The following NR2C2 variants were observed in gnomAD, a reference collection of about 807,000 sequenced individuals.
The protein encoded by NR2C2 is Nuclear hormone receptor TR4.
A neutral mutation model predicts 62.9 loss-of-function variants in NR2C2; 6 were observed. That is an observed-to-expected ratio of 0.10 (90% CI 0.05 to 0.19). NR2C2 has a LOEUF of 0.19. NR2C2 is among the 10% of genes least tolerant of loss of function. NR2C2 has a pLI of 1.00. For missense variants in NR2C2, 479 were observed against 762.7 expected (o/e 0.63, Z 4.38); for synonymous variants, 272 against 273.8 (o/e 0.99, Z 0.07).
At chr3:14,948,241 T>TCCC in intron 1 of NR2C2, 1 of 152,636 alleles carries the variant, frequency 6.6e-6, no homozygotes, top group Middle Eastern at 3.4e-3. Flanking sequence ...CTGGGCGGGC[T>TCCC]CCCTTCCTCC....
chr3:14,968,842 G>A (rs1400809485), intron 1 of NR2C2, among the ~76,000 whole-genome samples: 1 of 143,782 alleles, frequency 7.0e-6, no homozygotes, highest in African/African-American at 2.6e-5. Context: ...GTAGGGACAT[G>A]GATGAAATTG....
At chr3:14,970,012 C>T (rs1035045326) in intron 1 of NR2C2, among the ~76,000 whole-genome samples, 5 of 152,056 alleles carry the variant, frequency 3.3e-5, no homozygotes, top group African/African-American at 1.2e-4. Context: ...TTAATCCTGC[C>T]CTCTAACTGG....
chr3:15,004,597 C>T lies in NR2C2; in HGVS notation c.72+611C>T, dbSNP rs748978667. On this transcript the variant is annotated intron_variant, in intron 2 of 13. Coordinates refer to ENST00000425241, the MANE Select transcript of NR2C2 (RefSeq NM_001291694.2). ...TCTGGCCCATTGAGTGTTTTCACAT[C>T]TTTGAACAAAGAGAAGGTAGGTGTA... 5 of 1,612,648 alleles carry T rather than the reference C, an allele frequency of 3.1e-6. No individual in the cohort carries two copies. The South Asian group carries it at 5.5e-5, about 18-fold the overall frequency.
chr3:14,949,213 G>A (rs2039264629), intron 1 of NR2C2, among the ~76,000 whole-genome samples: 1 of 152,180 alleles, frequency 6.6e-6, no homozygotes, highest in Non-Finnish European at 1.5e-5. Flanking sequence ...ATTCCAGAGA[G>A]TCATAAGTTC....
intron 1 of NR2C2, among the ~76,000 whole-genome samples, chr3:14,988,103 A>G (rs1472315274): frequency 1.3e-5 from 2 of 152,266 alleles, no homozygotes; most frequent in African/African-American, 2.4e-5. Flanking sequence ...GTATATATAG[A>G]CAGACAGGTA....
intron 1 of NR2C2, among the ~76,000 whole-genome samples, chr3:14,992,772 C>G (rs1349969067): frequency 2.6e-5 from 4 of 152,206 alleles, no homozygotes; most frequent in African/African-American, 9.7e-5. Context: ...ATTTTACCCT[C>G]TAAGTATGAG....
chr3:14,983,462 TACACACACACAC>T (rs34788861), intron 1 of NR2C2, among the ~76,000 whole-genome samples: 3 of 146,778 alleles, frequency 2.0e-5, no homozygotes, highest in South Asian at 2.2e-4. Flanking sequence ...ATACTCTTTA[TACACACACACAC>T]ACACACACAC....
At chr3:14,964,298 C>T (rs968077373) in intron 1 of NR2C2, among the ~76,000 whole-genome samples, 6 of 152,094 alleles carry the variant, frequency 3.9e-5, no homozygotes, top group Non-Finnish European at 7.4e-5. Flanking sequence ...AAATTATTTA[C>T]CCAATATTTG....
chr3:15,044,523 A>G lies in NR2C2; in HGVS notation c.*1515A>G, dbSNP rs953775279. The G allele has an allele frequency of 6.6e-6, 1 of 152,246 alleles. No homozygotes were observed. Among genetic ancestry groups the G allele is most frequent in the Non-Finnish European group, 1.5e-5 (1 of 68,040 alleles). 9.4% of individuals were successfully genotyped at this position (152,246 alleles called of 1,614,324 possible). On this transcript the variant is annotated 3_prime_UTR_variant, in exon 14 of 14. Coordinates refer to ENST00000425241, the MANE Select transcript of NR2C2 (RefSeq NM_001291694.2). The stretch of plus-strand genomic sequence containing the variant: ...TTCCCACGGATGTGAATATATAGCA[A>G]GCTTTTCCTGTTTGAGAACAGTGGC...
chr3:15,027,230 C>CT (rs1427304844), intron 7 of NR2C2, among the ~76,000 whole-genome samples: 2 of 152,004 alleles, frequency 1.3e-5, no homozygotes, highest in African/African-American at 4.8e-5. Flanking sequence ...AACTCCTGAC[C>CT]TTAGGTGATC....
chr3:15,005,773 G>C (rs1375109640), intron 2 of NR2C2, among the ~76,000 whole-genome samples: 1 of 152,078 alleles, frequency 6.6e-6, no homozygotes, highest in South Asian at 2.1e-4. Context: ...TTGGGGTCTT[G>C]ATTTTTTCCC....
At chr3:14,954,735 T>C (rs1267755194) in intron 1 of NR2C2, among the ~76,000 whole-genome samples, 1 of 152,118 alleles carries the variant, frequency 6.6e-6, no homozygotes, top group African/African-American at 2.4e-5. Context: ...TTTGGGGGTA[T>C]TGGTAATGTC....
At position 15,013,796 on chromosome 3, in the gene NR2C2, C is replaced by T. The variant is rs2041423268; in HGVS notation, c.273+7C>T. On this transcript the variant is annotated splice_region_variant and intron_variant, in intron 3 of 13. Coordinates refer to ENST00000425241, the MANE Select transcript of NR2C2 (RefSeq NM_001291694.2). ...CGTCCCTGGCAGGATCCAGGTAAGG[C>T]CTTTGGACAGGTATTTGTTTCAGCA... 6.2e-7 allele frequency: 1 copy of T among 1,613,808 alleles called. No homozygotes were observed. Among genetic ancestry groups the T allele is most frequent in the Non-Finnish European group, 8.5e-7 (1 of 1,179,708 alleles).
intron 1 of NR2C2, among the ~76,000 whole-genome samples, chr3:14,958,686 G>T (rs2039599152): frequency 6.6e-6 from 1 of 152,112 alleles, no homozygotes; most frequent in Non-Finnish European, 1.5e-5. Context: ...TGTTGTTGTT[G>T]TTCCAGATTG....
At chr3:14,995,084 A>T (rs1425678100) in intron 1 of NR2C2, among the ~76,000 whole-genome samples, 2 of 146,412 alleles carry the variant, frequency 1.4e-5, no homozygotes, top group African/African-American at 5.1e-5. Context: ...GGTCGAGTTG[A>T]ACCCTCTGGG....
In NR2C2 at chr3:15,044,042, G is replaced by A. The variant is rs2042364606; in HGVS notation, c.*1034G>A. ...GGAGGAGTGTGGCCTTGGAGTGTGA[G>A]CGTTACCTTCCCAGGGCTTTCCACT... On this transcript the variant is annotated 3_prime_UTR_variant, in exon 14 of 14. Transcript: ENST00000425241. 1 of 152,142 alleles carries A rather than the reference G, an allele frequency of 6.6e-6. No homozygotes were observed. Among genetic ancestry groups the A allele is most frequent in the African/African-American group, 2.4e-5 (1 of 41,410 alleles). 9.4% of individuals were successfully genotyped at this position (152,142 alleles called of 1,614,324 possible).
Position 15,046,400 on chromosome 3 carries a change from CTTA to C in NR2C2, c.*3396_*3398del, listed in dbSNP as rs993804427. ...AGGCAATATCCACGCTACACACATA[CTTA>C]TTAGCTGTCTTACTTGTTTGGGGGA... is the stretch of plus-strand genomic sequence containing the variant. On this transcript the variant is annotated 3_prime_UTR_variant, in exon 14 of 14. Coordinates refer to ENST00000425241, the MANE Select transcript of NR2C2 (RefSeq NM_001291694.2). 19 of 152,248 alleles carry C rather than the reference CTTA, an allele frequency of 1.2e-4. 1 individual carries two copies. Among genetic ancestry groups the C allele is most frequent in the Admixed American group, 1.2e-3 (19 of 15,286 alleles). The allele number at this position is 152,248 out of a possible 1,614,324, so 9.4% of individuals were successfully genotyped here. A position where few individuals can be genotyped will look rare whatever the true frequency, so the allele number is the denominator to read the frequency against.
chr3:14,964,639 C>T (rs1160469146), intron 1 of NR2C2, among the ~76,000 whole-genome samples: 2 of 151,786 alleles, frequency 1.3e-5, no homozygotes, highest in East Asian at 1.9e-4. Flanking sequence ...TTCAGCCTCC[C>T]GAATAGCTGG....
chr3:14,996,933 TG>T (rs755201014), intron 1 of NR2C2, among the ~76,000 whole-genome samples: 9 of 152,238 alleles, frequency 5.9e-5, no homozygotes, highest in Non-Finnish European at 1.3e-4. Flanking sequence ...CCATAGCCTG[TG>T]GGTACTCCAA....
Sources: gnomAD v4.1 joint callset for allele counts (sites outside exome capture counted in the v4.1 genomes callset) on GRCh38, gnomAD v4.1.1 for gene constraint, MANE v1.5 for transcripts, NCBI Gene and HGNC (gene_info 2026-07-23, HGNC 2026-07-21) for gene names.